Variants in LRP11 observed in about 807,000 individuals in gnomAD.
The protein encoded by LRP11 is low-density lipoprotein receptor-related protein 11.
LRP11 carries 25 observed loss-of-function variants against 43.1 expected under a neutral mutation model. The observed-to-expected ratio is 0.58, with a 90% CI of 0.42 to 0.81. LRP11 has a LOEUF of 0.81. Among genes scored for constraint, LRP11 ranks in the 30% least tolerant of loss-of-function variants. The pLI, the probability that LRP11 is intolerant of heterozygous loss-of-function variation, is 0.00. For missense variants in LRP11, 623 were observed against 665.1 expected (o/e 0.94, Z 0.70); for synonymous variants, 316 against 299.4 (o/e 1.06, Z -0.57).
chr6:149,821,628 G>C (rs1157062220), intron 6 of LRP11, among the ~76,000 whole-genome samples: 1 of 152,242 alleles, frequency 6.6e-6, no homozygotes. Flanking sequence ...GCTTGCAGGA[G>C]TCTGGAAGGA....
intron 1 of LRP11, among the ~76,000 whole-genome samples, chr6:149,860,739 T>C (rs1455035536): frequency 6.6e-6 from 1 of 152,120 alleles, no homozygotes; most frequent in Non-Finnish European, 1.5e-5. Context: ...CATTCCTGCA[T>C]CCTCCCGCCT....
chr6:149,845,340 T>C (rs1776616336), intron 2 of LRP11, among the ~76,000 whole-genome samples: 1 of 152,114 alleles, frequency 6.6e-6, no homozygotes, highest in South Asian at 2.1e-4. Context: ...CCCCGTGAAG[T>C]GATTTTCATT....
chr6:149,839,002 T>C (rs1413359449), intron 3 of LRP11, among the ~76,000 whole-genome samples: 1 of 151,582 alleles, frequency 6.6e-6, no homozygotes, highest in Non-Finnish European at 1.5e-5. Flanking sequence ...CAAAACCAAA[T>C]GGCTGAGCAC....
chr6:149,826,804 T>C (rs1205033491), intron 5 of LRP11, among the ~76,000 whole-genome samples: 4 of 152,194 alleles, frequency 2.6e-5, no homozygotes, highest in Non-Finnish European at 5.9e-5. Context: ...CTCAATTTTC[T>C]TTCTGGTTAG....
intron 2 of LRP11, among the ~76,000 whole-genome samples, chr6:149,850,374 G>A (rs969948977): frequency 9.9e-5 from 15 of 152,150 alleles, no homozygotes; most frequent in Admixed American, 2.0e-4. Flanking sequence ...CAAGTTAAAG[G>A]GATCAGAGGC....
Position 149,863,630 on chromosome 6 carries a change from C to G in LRP11, c.391G>C (p.Val131Leu). The G allele has an allele frequency of 5.4e-6, 8 of 1,469,286 alleles. No homozygotes were observed. The highest frequency in any genetic ancestry group is 7.2e-6 in the Non-Finnish European group (8 of 1,117,256). 91.0% of individuals were successfully genotyped at this position (1,469,286 alleles called of 1,614,324 possible). ...CGCGGCTCGGAGCAGCAGGCCGCCACGCATTGCCGCCAGCCCCGCACGGCC... is the reference window on the plus strand; with the variant it reads ...CGCGGCTCGGAGCAGCAGGCCGCCAGGCATTGCCGCCAGCCCCGCACGGCC... ...PAAVRGWRQC[V>L]AACCSEPRCS... is the part of the protein sequence containing the mutation. The change falls in exon 1 of 7, where the codon GTG becomes CTG. Residue 131 changes from valine to leucine, a missense_variant. By Grantham distance (32) the Val-to-Leu change is conservative. Coordinates refer to ENST00000239367, the MANE Select transcript of LRP11 (RefSeq NM_032832.6).
chr6:149,841,557 G>T (rs1431089743), intron 3 of LRP11, among the ~76,000 whole-genome samples: 1 of 152,174 alleles, frequency 6.6e-6, no homozygotes, highest in Admixed American at 6.5e-5. Context: ...AATATCTTTA[G>T]TGTCGCTAAG....
chr6:149,828,396 G>A (rs1776368630), intron 5 of LRP11, among the ~76,000 whole-genome samples: 1 of 152,000 alleles, frequency 6.6e-6, no homozygotes, highest in Admixed American at 6.6e-5. Flanking sequence ...TTTTCTCAGG[G>A]GTGAGGTAGT....
Position 149,863,831 on chromosome 6 carries a change from G to A in LRP11, c.190C>T (p.Arg64Trp). 1 of 1,511,272 alleles carries A rather than the reference G, an allele frequency of 6.6e-7. No individual in the cohort carries two copies. Among genetic ancestry groups the A allele is most frequent in the Non-Finnish European group, 8.8e-7 (1 of 1,138,774 alleles). 93.6% of individuals were successfully genotyped at this position (1,511,272 alleles called of 1,614,324 possible). Residue 64 changes from arginine (R) to tryptophan (W), a missense_variant, in exon 1 of 7, where the codon CGG (arginine) becomes TGG (tryptophan). Physicochemically the swap from Arg to Trp is moderately radical, Grantham distance 101. Coordinates refer to ENST00000239367, the MANE Select transcript of LRP11 (RefSeq NM_032832.6). ...GVEQLLEEFR[R>W]QLQQERPQEE... The stretch of plus-strand genomic sequence containing the variant: ...TGAGGCCGCTCCTGCTGCAGTTGCC[G>A]GCGGAACTCCTCCAGCAGCTGCTCC...
intron 2 of LRP11, among the ~76,000 whole-genome samples, chr6:149,850,364 C>G (rs1255351323): frequency 1.3e-5 from 2 of 152,084 alleles, no homozygotes; most frequent in African/African-American, 4.8e-5. Context: ...TAAGGCTGCT[C>G]AAGTTAAAGG....
Position 149,863,581 on chromosome 6 carries a change from A to T in LRP11, c.440T>A (p.Leu147Gln), listed in dbSNP as rs1776973112. Reference protein sequence around the residue: ...EPRCSVAVVELPRRPAPPAAV... With the variant: ...EPRCSVAVVEQPRRPAPPAAV... Reference sequence around the variant, plus strand: ...TGCCGGGGGCGCGGGGCGCCGGGGCAGCTCCACCACGGCCACGGAGCAGCG... The same window carrying T: ...TGCCGGGGGCGCGGGGCGCCGGGGCTGCTCCACCACGGCCACGGAGCAGCG... Residue 147 changes from leucine to glutamine, a missense_variant, in exon 1 of 7, where the codon CTG becomes CAG. By Grantham distance (113) the Leu-to-Gln change is moderately radical (BLOSUM62 -2). Coordinates refer to ENST00000239367, the MANE Select transcript of LRP11 (RefSeq NM_032832.6). The T allele has an allele frequency of 7.1e-7, 1 of 1,412,258 alleles. No homozygotes were observed. The highest frequency in any genetic ancestry group is 9.2e-7 in the Non-Finnish European group (1 of 1,088,306). 87.5% of individuals were successfully genotyped at this position (1,412,258 alleles called of 1,614,324 possible). A position where few individuals can be genotyped will look rare whatever the true frequency, so the allele number is the denominator to read the frequency against.
At position 149,864,309 on chromosome 6, in the gene LRP11, T is replaced by A. The variant is rs932568583; in HGVS notation, c.-289A>T. 176 of 1,032,972 alleles carry A rather than the reference T, an allele frequency of 1.7e-4. No individual in the cohort carries two copies. The highest frequency in any genetic ancestry group is 1.9e-4 in the Non-Finnish European group (164 of 861,968). The allele number at this position is 1,032,972 out of a possible 1,614,324, so 64.0% of individuals were successfully genotyped here. A position where few individuals can be genotyped will look rare whatever the true frequency, so the allele number is the denominator to read the frequency against. On this transcript the variant is annotated 5_prime_UTR_variant, in exon 1 of 7. Coordinates refer to ENST00000239367, the MANE Select transcript of LRP11 (RefSeq NM_032832.6). ...CCGCCCCGGCCTGCGGCGCGCTGGGTGGCGACGAGTCGGCCTCGGCGTTGA... is the reference window on the plus strand; with the variant it reads ...CCGCCCCGGCCTGCGGCGCGCTGGGAGGCGACGAGTCGGCCTCGGCGTTGA...
chr6:149,863,437 A>C lies in LRP11; in HGVS notation c.584T>G (p.Leu195Arg). The change falls in exon 1 of 7, where the codon CTG becomes CGG. Residue 195 changes from leucine (L) to arginine (R), a missense_variant. Physicochemically the swap from Leu to Arg is moderately radical, Grantham distance 102. Transcript: ENST00000239367. ...CCGGGGCGAGGCGCGCGCGGTGGCC[A>C]GGGCGGCGCCGTCCGGCGCGCGGCT... ...SLSRAPDGAA[L>R]ATARASPRQE... 7.6e-7 allele frequency: 1 copy of C among 1,313,558 alleles called. No individual in the cohort carries two copies. Among genetic ancestry groups the C allele is most frequent in the Non-Finnish European group, 9.6e-7 (1 of 1,039,486 alleles). 81.4% of individuals were successfully genotyped at this position (1,313,558 alleles called of 1,614,324 possible).
chr6:149,856,669 C>A (rs1414749605), intron 1 of LRP11, among the ~76,000 whole-genome samples: 2 of 152,126 alleles, frequency 1.3e-5, no homozygotes, highest in Non-Finnish European at 2.9e-5. Context: ...TTAGTAAGAC[C>A]TACAGAGGTG....
chr6:149,848,087 G>A (rs1776665897), intron 2 of LRP11, among the ~76,000 whole-genome samples: 1 of 152,118 alleles, frequency 6.6e-6, no homozygotes, highest in Admixed American at 6.5e-5. Flanking sequence ...AAGGTCACAT[G>A]TTCAAACCTA....
intron 3 of LRP11, among the ~76,000 whole-genome samples, chr6:149,840,499 A>T (rs1371523177): frequency 6.6e-6 from 1 of 152,170 alleles, no homozygotes; most frequent in African/African-American, 2.4e-5. Context: ...CTGGCAATTT[A>T]CCTCTGGAGC....
At chr6:149,863,327 T>A in intron 1 of LRP11, 81 bp downstream of exon 1, 5 of 1,288,244 alleles carry the variant, frequency 3.9e-6, no homozygotes, top group Non-Finnish European at 4.9e-6. Context: ...TTGGCACGAG[T>A]GTGTTTCGCT....
At chr6:149,850,547 G>A (rs1320254873) in intron 2 of LRP11, among the ~76,000 whole-genome samples, 2 of 152,146 alleles carry the variant, frequency 1.3e-5, no homozygotes, top group East Asian at 1.9e-4. Flanking sequence ...CACATATACA[G>A]GCAATCATGA....
intron 6 of LRP11, among the ~76,000 whole-genome samples, chr6:149,825,938 T>C (rs1468672231): frequency 6.6e-6 from 1 of 152,186 alleles, no homozygotes; most frequent in East Asian, 1.9e-4. Flanking sequence ...CGTGAGCCAC[T>C]GTGCCCAGCT....
Sources: allele counts gnomAD v4.1 joint callset (sites outside exome capture counted in the v4.1 genomes callset), GRCh38; gene constraint gnomAD v4.1.1; transcripts MANE v1.5; gene names NCBI Gene and HGNC (gene_info 2026-07-23, HGNC 2026-07-21).